IFT172: variants seen among roughly 807,000 people sequenced by gnomAD.
The protein encoded by IFT172 is intraflagellar transport protein 172 homolog.
IFT172 carries 164 observed loss-of-function variants against 248.9 expected under a neutral mutation model. The ratio of observed to expected loss-of-function variants is 0.66; its 90% CI spans 0.58 to 0.75. The LOEUF is 0.75. IFT172 is among the 30% of genes least tolerant of loss of function. The pLI is 0.00. For missense variants in IFT172, 1,950 were observed against 2,192.4 expected, an observed-to-expected ratio of 0.89 and a Z score of 2.21; for synonymous variants, 729 against 791.6, an observed-to-expected ratio of 0.92 and a Z score of 1.33.
Position 27,450,045 on chromosome 2 carries a change from C to T in IFT172, c.4003G>A (p.Val1335Ile), listed in dbSNP as rs755670491. Residue 1335 changes from valine (V) to isoleucine (I), a missense_variant, in exon 36 of 48, where the codon GTT becomes ATT. This residue lies in a region of IFT172 where 620 missense variants were observed against 699.0 expected (regional missense o/e 0.89). Coordinates refer to ENST00000260570, the MANE Select transcript of IFT172 (RefSeq NM_015662.3). ...FLPPQRNMEVVLAVGPQLIGI... is the reference protein window; with the variant it reads ...FLPPQRNMEVILAVGPQLIGI... ...ATCAGCTGGGGTCCTACAGCCAGAACGACTTCCATATTACGTTGGGGAGGC... is the reference window on the plus strand; with the variant it reads ...ATCAGCTGGGGTCCTACAGCCAGAATGACTTCCATATTACGTTGGGGAGGC... 1.6e-5 allele frequency: 26 copies of T among 1,614,054 alleles called. No homozygotes were observed. Among genetic ancestry groups the T allele is most frequent in the Non-Finnish European group, 1.9e-5 (22 of 1,180,032 alleles).
At chr2:27,459,348 C>T (rs374002910) in intron 25 of IFT172, 30 bp downstream of exon 25, 25 of 1,612,332 alleles carry the variant, frequency 1.6e-5, no homozygotes, top group Non-Finnish European at 2.1e-5. Flanking sequence ...ACTGCATTGC[C>T]TCGTGCTGCG....
rs202108866 is a variant in IFT172, at chr2:27,453,618, C to T, written c.3821+12G>A. The T allele has an allele frequency of 2.5e-6, 4 of 1,610,050 alleles. No homozygotes were observed. In the East Asian group the frequency reaches 8.9e-5, roughly 36 times the overall value. On this transcript the variant is annotated intron_variant, in intron 34 of 47. Transcript: ENST00000260570. ...AGCCCTGCCAATGCTGCCTGGACCTCTGGCCTCATACCTGGCCCCCTTCTT... is the reference window on the plus strand; with the variant it reads ...AGCCCTGCCAATGCTGCCTGGACCTTTGGCCTCATACCTGGCCCCCTTCTT...
At position 27,456,573 on chromosome 2, in the gene IFT172, T is replaced by C; in HGVS notation, c.3309A>G (p.Ala1103=). The C allele has an allele frequency of 1.9e-6, 3 of 1,614,182 alleles. No homozygotes were observed. The highest frequency in any genetic ancestry group is 2.5e-6 in the Non-Finnish European group (3 of 1,180,028). ...LWAKSLGGEA[A]VRLLNKLGLL... is the part of the protein sequence containing the mutation. ...GTCCCAGCTTATTAAGCAGTCTAAC[T>C]GCAGCCTCTCCTCCCAGGCTCTTTG... Residue 1103 remains alanine, a synonymous_variant, in exon 30 of 48, where the codon GCA becomes GCG. Transcript: ENST00000260570.
Position 27,483,277 on chromosome 2 carries a change from C to A in IFT172, c.570+12G>T. The A allele has an allele frequency of 6.7e-7, 1 of 1,485,286 alleles. No homozygotes were observed. Among genetic ancestry groups the A allele is most frequent in the South Asian group, 1.1e-5 (1 of 88,374 alleles). The allele number at this position is 1,485,286 out of a possible 1,614,324, so 92.0% of individuals were successfully genotyped here. ...AGCAATCCAAGCCTCCCACAACATTCTTTATTCATACCTGTGACTCTCCAG... is the reference window on the plus strand; with the variant it reads ...AGCAATCCAAGCCTCCCACAACATTATTTATTCATACCTGTGACTCTCCAG... On this transcript the variant is annotated intron_variant, in intron 7 of 47. Coordinates refer to ENST00000260570, the MANE Select transcript of IFT172 (RefSeq NM_015662.3).
At chr2:27,485,288 G>C (rs1668677251) in intron 2 of IFT172, 72 bp downstream of exon 2, 1 of 1,600,430 alleles carries the variant, frequency 6.2e-7, no homozygotes, top group East Asian at 2.2e-5. Flanking sequence ...TGGCTAGAAG[G>C]CAGACTACGT....
At chr2:27,480,362 G>C (rs1668273114) in intron 8 of IFT172, among the ~76,000 whole-genome samples, 1 of 152,058 alleles carries the variant, frequency 6.6e-6, no homozygotes, top group Admixed American at 6.6e-5. Context: ...TAAGAGTGAG[G>C]GGAGCAGAGA....
chr2:27,479,702 A>G, intron 9 of IFT172, 98 bp from the exon 10 acceptor site: 1 of 852,452 alleles, frequency 1.2e-6, no homozygotes, highest in East Asian at 2.5e-5. Flanking sequence ...TCTAGAGTCT[A>G]GAGAAGAGTT....
At chr2:27,447,464 T>G in intron 42 of IFT172, 51 bp downstream of exon 42, 2 of 1,597,828 alleles carry the variant, frequency 1.3e-6, no homozygotes, top group Non-Finnish European at 1.7e-6. Context: ...CTTTATACAT[T>G]TGCAGATGAG....
intron 34 of IFT172, 57 bp from the exon 35 acceptor site, chr2:27,453,570 T>C (rs930004780): frequency 1.9e-6 from 3 of 1,607,950 alleles, no homozygotes; most frequent in African/African-American, 1.3e-5. Context: ...TGCTCTATCC[T>C]GTGTATGCCT....
intron 29 of IFT172, 95 bp downstream of exon 29, chr2:27,457,544 C>T (rs1666255478): frequency 1.8e-6 from 2 of 1,107,158 alleles, no homozygotes; most frequent in Non-Finnish European, 2.7e-6. Flanking sequence ...CACTGCACTC[C>T]AGCCTGGGTG....
At chr2:27,476,598 A>C in intron 14 of IFT172, 43 bp downstream of exon 14, 1 of 1,213,510 alleles carries the variant, frequency 8.2e-7, no homozygotes, top group Non-Finnish European at 1.2e-6. Context: ...GTGTGATATA[A>C]ACATCTATTT....
chr2:27,465,062 C>G (rs1242323191), intron 18 of IFT172: 4 of 223,580 alleles, frequency 1.8e-5, no homozygotes, highest in African/African-American at 9.2e-5. Context: ...GCTGGGATTA[C>G]AGGCGCCCGC....
chr2:27,478,100 G>A lies in IFT172; in HGVS notation c.1062C>T (p.Gly354=). 6.2e-7 allele frequency: 1 copy of A among 1,614,124 alleles called. No individual in the cohort carries two copies. Among genetic ancestry groups the A allele is most frequent in the Non-Finnish European group, 8.5e-7 (1 of 1,180,036 alleles). ...GGATTTTCACCTCTTCCACCTCATA[G>A]CCATAGTGTGACTTGAGCACCACTC... ...GTRVVLKSHY[G]YEVEEVKILG... Residue 354 remains glycine (G), a synonymous_variant, in exon 11 of 48, where the codon GGC becomes GGT. Transcript: ENST00000260570.
At chr2:27,459,599 C>T in intron 24 of IFT172, 77 bp from the exon 25 acceptor site, 1 of 1,602,648 alleles carries the variant, frequency 6.2e-7, no homozygotes, top group Non-Finnish European at 8.5e-7. Flanking sequence ...CCTTTAAGCA[C>T]ACTTCAACCT....
At chr2:27,458,656 G>T in intron 26 of IFT172, 123 bp downstream of exon 26, 1 of 1,135,182 alleles carries the variant, frequency 8.8e-7, no homozygotes, top group Non-Finnish European at 1.2e-6. Context: ...GGCTCAGACT[G>T]TTTTTTGGTA....
At position 27,489,602 on chromosome 2, in the gene IFT172, C is replaced by A. The variant is rs747789616; in HGVS notation, c.39+13G>T. On this transcript the variant is annotated intron_variant, in intron 1 of 47. Coordinates refer to ENST00000260570, the MANE Select transcript of IFT172 (RefSeq NM_015662.3). The stretch of plus-strand genomic sequence containing the variant: ...AAAGCATAAGGGGGAGGGACTGGCA[C>A]GCAATTCCTCACCTGAGGGCTCAGC... The A allele has an allele frequency of 5.0e-6, 8 of 1,604,986 alleles. No individual in the cohort carries two copies. The highest frequency in any genetic ancestry group is 6.8e-6 in the Non-Finnish European group (8 of 1,172,132).
chr2:27,463,267 A>C, intron 18 of IFT172, 86 bp from the exon 19 acceptor site: 2 of 1,276,460 alleles, frequency 1.6e-6, no homozygotes, highest in Non-Finnish European at 2.2e-6. Context: ...AAATTGATGT[A>C]CATCTATGAT....
At chr2:27,451,063 G>A (rs1266314782) in intron 35 of IFT172, among the ~76,000 whole-genome samples, 1 of 150,986 alleles carries the variant, frequency 6.6e-6, no homozygotes, top group African/African-American at 2.4e-5. Context: ...TGGTATAGAT[G>A]GTCTTGATGA....
At chr2:27,448,661 T>C (rs1335746980) in intron 40 of IFT172, among the ~76,000 whole-genome samples, 1 of 152,112 alleles carries the variant, frequency 6.6e-6, no homozygotes, top group Non-Finnish European at 1.5e-5. Flanking sequence ...GCCTGTGTAT[T>C]TGCTAACAGC....
Sources: allele counts gnomAD v4.1 joint callset (sites outside exome capture counted in the v4.1 genomes callset), GRCh38; gene constraint gnomAD v4.1.1; regional missense constraint gnomAD v4.1.1; transcripts MANE v1.5; gene names NCBI Gene and HGNC (gene_info 2026-07-23, HGNC 2026-07-21).